The following VEGFA variants were observed in gnomAD, a reference collection of about 807,000 sequenced individuals.
The protein encoded by VEGFA is vascular endothelial growth factor A.
In VEGFA, 20 loss-of-function variants were observed where a neutral mutation model predicts 49.7. The observed-to-expected ratio is 0.40, with a 90% CI of 0.28 to 0.58. VEGFA has a LOEUF of 0.58. Among genes scored for constraint, VEGFA ranks in the 20% least tolerant of loss-of-function variants. The pLI is 0.40. For missense variants in VEGFA, 505 were observed against 553.5 expected (o/e 0.91, Z 0.88); for synonymous variants, 219 against 223.4 (o/e 0.98, Z 0.18).
Position 43,780,774 on chromosome 6 carries a change from C to T in VEGFA, c.1005C>T (p.Arg335=). ...AGGGAAAGGGGCAAAAACGAAAGCG[C>T]AAGAAATCCCGGTATAAGTCCTGGA... is the stretch of plus-strand genomic sequence containing the variant. Residue 335 remains arginine, a synonymous_variant, in exon 6 of 8, where the codon CGC becomes CGT. Transcript: ENST00000672860. 6.2e-7 allele frequency: 1 copy of T among 1,613,988 alleles called. No individual in the cohort carries two copies. Among genetic ancestry groups the T allele is most frequent in the Non-Finnish European group, 8.5e-7 (1 of 1,180,018 alleles).
At chr6:43,779,633 C>A in intron 5 of VEGFA, 2 of 459,016 alleles carry the variant, frequency 4.4e-6, no homozygotes, top group Non-Finnish European at 8.8e-6. Flanking sequence ...TTGTCTGCCT[C>A]CAGTGCTGTG....
Position 43,780,823 on chromosome 6 carries a change from T to C in VEGFA, c.1034+20T>C. 2.5e-6 allele frequency: 4 copies of C among 1,613,976 alleles called. No homozygotes were observed. The African/African-American group carries it at 4.0e-5, about 16-fold the overall frequency. ...GAGCGTGTACGTTGGTGCCCGCTGC[T>C]GTCTAATGCCCTGGAGCCTCCCTGG... is the stretch of plus-strand genomic sequence containing the variant. On this transcript the variant is annotated intron_variant, in intron 6 of 7. Transcript: ENST00000672860.
rs45533131 is a variant in VEGFA at position 43,780,742 on chromosome 6, C to G, written c.973C>G (p.Arg325Gly). The change falls in exon 6 of 8, where the codon CGA (arginine) becomes GGA (glycine). Residue 325 changes from arginine (R) to glycine (G), a missense_variant. By Grantham distance (125) the Arg-to-Gly change is moderately radical. This residue lies in a region of VEGFA where 165 missense variants were observed against 231.7 expected (regional missense o/e 0.71). Coordinates refer to ENST00000672860, the MANE Select transcript of VEGFA (RefSeq NM_003376.6). ...TTTTTTATTTTCCAGAAAATCAGTTCGAGGAAAGGGAAAGGGGCAAAAACG... is the reference window on the plus strand; with the variant it reads ...TTTTTTATTTTCCAGAAAATCAGTTGGAGGAAAGGGAAAGGGGCAAAAACG... The G allele has an allele frequency of 1.3e-6, 2 of 1,575,894 alleles. No homozygotes were observed. Among genetic ancestry groups the G allele is most frequent in the African/African-American group, 1.4e-5 (1 of 73,292 alleles).
At chr6:43,778,368 T>C in intron 3 of VEGFA, 92 bp from the exon 4 acceptor site, 1 of 1,107,440 alleles carries the variant, frequency 9.0e-7, no homozygotes, top group Non-Finnish European at 1.4e-6. Flanking sequence ...GCAGAACCCC[T>C]GGGTGCTGAG....
chr6:43,784,326 C>T, intron 7 of VEGFA: 2 of 620,968 alleles, frequency 3.2e-6, no homozygotes, highest in East Asian at 2.7e-5. Flanking sequence ...CTGAGTGGAG[C>T]TGCTGCTCAG....
chr6:43,771,716 G>C (rs946649042), intron 1 of VEGFA, among the ~76,000 whole-genome samples: 101 of 152,290 alleles, frequency 6.6e-4, no homozygotes, highest in African/African-American at 2.2e-3. Flanking sequence ...CAGTGGGCAG[G>C]GGGTGCTCGG....
At position 43,782,024 on chromosome 6, in the gene VEGFA, C is replaced by A. The variant is rs1767964191; in HGVS notation, c.1103C>A (p.Ser368Tyr). Residue 368 changes from serine to tyrosine, a missense_variant, in exon 7 of 8, where the codon TCC becomes TAC. Physicochemically the swap from Ser to Tyr is moderately radical, Grantham distance 144 (BLOSUM62 -2). Coordinates refer to ENST00000672860, the MANE Select transcript of VEGFA (RefSeq NM_003376.6). ...CAAGATCCGCAGACGTGTAAATGTT[C>A]CTGCAAAAACACAGACTCGCGTTGC... The A allele has an allele frequency of 1.2e-6, 2 of 1,614,060 alleles. No homozygotes were observed. The highest frequency in any genetic ancestry group is 2.2e-5 in the South Asian group (2 of 91,062).
rs1366138446 is a variant in VEGFA at position 43,777,300 on chromosome 6, A to C, written c.659-169A>C. ...GGCCTTCACCAGTGTTGATGGTGGAAAGCTTAGGGAAGTGCTTCAAACACA... is the reference window on the plus strand; with the variant it reads ...GGCCTTCACCAGTGTTGATGGTGGACAGCTTAGGGAAGTGCTTCAAACACA... On this transcript the variant is annotated intron_variant, in intron 2 of 7. Coordinates refer to ENST00000672860, the MANE Select transcript of VEGFA (RefSeq NM_003376.6). The surrounding 1 kb of genome is among the most constrained non-coding windows in gnomAD (Gnocchi z 4.3). 3 of 726,736 alleles carry C rather than the reference A, an allele frequency of 4.1e-6. No individual in the cohort carries two copies. Among genetic ancestry groups the C allele is most frequent in the Non-Finnish European group, 4.8e-6 (2 of 413,912 alleles). The allele number at this position is 726,736 out of a possible 1,614,324, so 45.0% of individuals were successfully genotyped here. A position where few individuals can be genotyped will look rare whatever the true frequency, so the allele number is the denominator to read the frequency against.
At chr6:43,779,169 C>G in intron 5 of VEGFA, 1 of 594,924 alleles carries the variant, frequency 1.7e-6, no homozygotes, top group Non-Finnish European at 3.0e-6. Context: ...GTCTCCAGAT[C>G]ATTCCTGACC....
At position 43,770,501 on chromosome 6, in the gene VEGFA, T is replaced by C. The variant is rs1763237553; in HGVS notation, c.-206T>C. On this transcript the variant is annotated 5_prime_UTR_variant, in exon 1 of 8. Coordinates refer to ENST00000672860, the MANE Select transcript of VEGFA (RefSeq NM_003376.6). ...ATTGCTCTACTTCCCCAAATCACTG[T>C]GGATTTTGGAAACCAGCAGAAAGAG... 8.5e-7 allele frequency: 1 copy of C among 1,176,988 alleles called. No individual in the cohort carries two copies. The highest frequency in any genetic ancestry group is 1.6e-5 in the African/African-American group (1 of 62,320). 72.9% of individuals were successfully genotyped at this position (1,176,988 alleles called of 1,614,324 possible).
chr6:43,777,860 C>T lies in VEGFA; in HGVS notation c.855+195C>T. 1 of 633,852 alleles carries T rather than the reference C, an allele frequency of 1.6e-6. No homozygotes were observed. The highest frequency in any genetic ancestry group is 2.7e-6 in the Non-Finnish European group (1 of 366,768). 39.3% of individuals were successfully genotyped at this position (633,852 alleles called of 1,614,324 possible). On this transcript the variant is annotated intron_variant, in intron 3 of 7. Transcript: ENST00000672860. This position sits in a 1 kb window ranked among gnomAD's most constrained non-coding sequence, Gnocchi z 4.3. ...ATTCCCAGCCCAGGTTCCCAGCAAG[C>T]CCCAACCATCTCCTTCTCCCTGATG...
Position 43,784,566 on chromosome 6 carries a change from G to T in VEGFA, c.*4G>T. 1.2e-6 allele frequency: 2 copies of T among 1,614,176 alleles called. No individual in the cohort carries two copies. Among genetic ancestry groups the T allele is most frequent in the Non-Finnish European group, 1.7e-6 (2 of 1,180,020 alleles). On this transcript the variant is annotated 3_prime_UTR_variant, in exon 8 of 8. Coordinates refer to ENST00000672860, the MANE Select transcript of VEGFA (RefSeq NM_003376.6). Reference sequence around the variant, plus strand: ...ATGTGACAAGCCGAGGCGGTGAGCCGGGCAGGAGGAAGGAGCCTCCCTCAG... The same window carrying T: ...ATGTGACAAGCCGAGGCGGTGAGCCTGGCAGGAGGAAGGAGCCTCCCTCAG...
At chr6:43,774,883 A>C in intron 2 of VEGFA, 3 of 176,078 alleles carry the variant, frequency 1.7e-5, no homozygotes, top group Non-Finnish European at 3.7e-5. Context: ...GGTGGAGAAA[A>C]CCCCATTTGA....
chr6:43,777,320 A>G lies in VEGFA; in HGVS notation c.659-149A>G. 1.2e-6 allele frequency: 1 copy of G among 841,420 alleles called. No individual in the cohort carries two copies. The highest frequency in any genetic ancestry group is 2.0e-5 in the Admixed American group (1 of 50,108). 52.1% of individuals were successfully genotyped at this position (841,420 alleles called of 1,614,324 possible). ...GTGGAAAGCTTAGGGAAGTGCTTCA[A>G]ACACAGTAGGAGGGACTTACGTTAG... On this transcript the variant is annotated intron_variant, in intron 2 of 7. Transcript: ENST00000672860. This position sits in a 1 kb window ranked among gnomAD's most constrained non-coding sequence, Gnocchi z 4.3.
rs762385880 is a variant in VEGFA at position 43,777,705 on chromosome 6, A to AG, written c.855+46dup. ...GAAGTGGGGCAAGGGGGGGATAGGG[A>AG]GGGGGGTAACACTTTGGGAACAGGT... On this transcript the variant is annotated intron_variant, in intron 3 of 7. Transcript: ENST00000672860. The surrounding 1 kb of genome is among the most constrained non-coding windows in gnomAD (Gnocchi z 4.3). 10 of 629,906 alleles carry AG rather than the reference A, an allele frequency of 1.6e-5. No homozygotes were observed. Among genetic ancestry groups the AG allele is most frequent in the African/African-American group, 1.6e-4 (8 of 50,566 alleles). The allele number at this position is 629,906 out of a possible 1,614,324, so 39.0% of individuals were successfully genotyped here. A position where few individuals can be genotyped will look rare whatever the true frequency, so the allele number is the denominator to read the frequency against.
chr6:43,782,750 T>C (rs753247812), intron 7 of VEGFA: 7 of 160,960 alleles, frequency 4.3e-5, no homozygotes, highest in Non-Finnish European at 8.2e-5. Context: ...GCCAGGGCTA[T>C]GTCTCCCTCC....
intron 3 of VEGFA, chr6:43,778,256 G>A (rs1293367819): frequency 3.9e-5 from 25 of 638,872 alleles, no homozygotes; most frequent in Non-Finnish European, 6.3e-5. Context: ...GTGGAACAAG[G>A]GCTCCTTGAG....
chr6:43,778,880 C>T lies in VEGFA; in HGVS notation c.933-9C>T. 2 of 1,614,196 alleles carry T rather than the reference C, an allele frequency of 1.2e-6. No individual in the cohort carries two copies. Among genetic ancestry groups the T allele is most frequent in the Non-Finnish European group, 1.7e-6 (2 of 1,180,044 alleles). On this transcript the variant is annotated splice_polypyrimidine_tract_variant and intron_variant, in intron 4 of 7. Coordinates refer to ENST00000672860, the MANE Select transcript of VEGFA (RefSeq NM_003376.6). ...GTTTTGCTCTTTTCTCTCTCCCTAC[C>T]CATTGCAGACCAAAGAAAGATAGAG... is the stretch of plus-strand genomic sequence containing the variant.
In VEGFA at chr6:43,773,916, G is replaced by A. The variant is rs377150181; in HGVS notation, c.607-425G>A. ...AGAAGGTCACCATGTTGTTTTTCTC[G>A]CCCCTAGTCCTTCCTTCCTGCCCCA... On this transcript the variant is annotated intron_variant, in intron 1 of 7. Transcript: ENST00000672860. This position sits in a 1 kb window ranked among gnomAD's most constrained non-coding sequence, Gnocchi z 5.6. The A allele has an allele frequency of 1.5e-3, 329 of 215,928 alleles. 3 individuals are homozygous for A. The Middle Eastern group carries it at 0.025, about 16-fold the overall frequency. 13.4% of individuals were successfully genotyped at this position (215,928 alleles called of 1,614,324 possible).
Sources: gnomAD v4.1 joint callset for allele counts (sites outside exome capture counted in the v4.1 genomes callset) on GRCh38, gnomAD v4.1.1 for gene constraint, gnomAD v4.1.1 regional missense constraint, Gnocchi (gnomAD v3.1) non-coding constraint, MANE v1.5 for transcripts, NCBI Gene and HGNC (gene_info 2026-07-23, HGNC 2026-07-21) for gene names.